The following AGPAT4 variants were observed in gnomAD, a reference collection of about 807,000 sequenced individuals.
AGPAT4 encodes the protein 1-acyl-sn-glycerol-3-phosphate acyltransferase delta.
In AGPAT4, 15 loss-of-function variants were observed where a neutral mutation model predicts 48.0. That is an observed-to-expected ratio of 0.31 (90% confidence interval 0.21 to 0.48). The LOEUF (loss-of-function observed/expected upper bound fraction) is 0.48, where lower values mean the gene tolerates loss of function less well. Among genes scored for constraint, AGPAT4 ranks in the 20% least tolerant of loss-of-function variants. The pLI is 0.99. For synonymous variants in AGPAT4, 178 were observed against 198.7 expected (o/e 0.90, Z 0.88); for missense variants, 314 against 482.5 (o/e 0.65, Z 3.27).
chr6:161,239,722 A>C (rs1341766627), intron 1 of AGPAT4, among the ~76,000 whole-genome samples: 1 of 152,196 alleles, frequency 6.6e-6, no homozygotes, highest in Non-Finnish European at 1.5e-5. Context: ...ATTTTATACT[A>C]CTTTTTACAT....
In AGPAT4 at chr6:161,246,668, C is replaced by T. The variant is rs1418262890; in HGVS notation, c.-89-14366G>A. Among the ~76,000 whole-genome samples the T allele has an allele frequency of 6.6e-6, 1 of 152,186 alleles. No homozygotes were observed. The highest frequency in any genetic ancestry group is 1.5e-5 in the Non-Finnish European group (1 of 68,040). ...AGGTGATCCACCGCACCCAGCCTAG[C>T]ACAGGGGATTCTTACAGAGCCCCTT... On this transcript the variant is annotated intron_variant, in intron 1 of 8. Coordinates refer to ENST00000320285, the MANE Select transcript of AGPAT4 (RefSeq NM_020133.3). This position sits in a 1 kb window ranked among gnomAD's most constrained non-coding sequence, Gnocchi z 5.5.
At position 161,262,006 on chromosome 6, in the gene AGPAT4, G is replaced by A. The variant is rs1157676408; in HGVS notation, c.-90+11932C>T. 6.6e-6 allele frequency among the ~76,000 whole-genome samples: 1 copy of A among 152,164 alleles called. No individual in the cohort carries two copies. The highest frequency in any genetic ancestry group is 1.5e-5 in the Non-Finnish European group (1 of 68,028). ...AAGAAGAGTTCCTAGTCGAGGGCTGGTGGTGAGGATTATCCGTAGACCTTT... is the reference window on the plus strand; with the variant it reads ...AAGAAGAGTTCCTAGTCGAGGGCTGATGGTGAGGATTATCCGTAGACCTTT... On this transcript the variant is annotated intron_variant, in intron 1 of 8. Transcript: ENST00000320285. The surrounding 1 kb of genome is among the most constrained non-coding windows in gnomAD (Gnocchi z 4.9).
In AGPAT4 at chr6:161,164,258, T is replaced by C. The variant is rs940607641; in HGVS notation, c.348+1990A>G. Among the ~76,000 whole-genome samples the C allele has an allele frequency of 6.6e-6, 1 of 152,170 alleles. No homozygotes were observed. The highest frequency in any genetic ancestry group is 1.5e-5 in the Non-Finnish European group (1 of 68,026). ...GGACCTGGGTCCCTCCCTGCATGTG[T>C]TGTGGGGCTCACCTTCTCCCTCATC... On this transcript the variant is annotated intron_variant, in intron 3 of 8. Transcript: ENST00000320285. The surrounding 1 kb of genome is among the most constrained non-coding windows in gnomAD (Gnocchi z 7.4).
chr6:161,273,703 C>T (rs1312299052), intron 1 of AGPAT4, among the ~76,000 whole-genome samples: 1 of 151,954 alleles, frequency 6.6e-6, no homozygotes, highest in Non-Finnish European at 1.5e-5. Flanking sequence ...TCACCCGGCC[C>T]AGCACAAAGC....
At position 161,218,775 on chromosome 6, in the gene AGPAT4, GA is replaced by G. The variant is rs1032292732; in HGVS notation, c.178+13260del. ...CCATATACTCTGAGGTGGCAGAGGT[GA>G]AAAAACACTGTTATCTACCAAACAG... On this transcript the variant is annotated intron_variant, in intron 2 of 8. Transcript: ENST00000320285. The surrounding 1 kb of genome is among the most constrained non-coding windows in gnomAD (Gnocchi z 4.7). Among the ~76,000 whole-genome samples, 11 of 152,110 alleles carry G rather than the reference GA, an allele frequency of 7.2e-5. No individual in the cohort carries two copies. The highest frequency in any genetic ancestry group is 2.4e-4 in the African/African-American group (10 of 41,402).
chr6:161,222,594 T>C lies in AGPAT4; in HGVS notation c.178+9442A>G, dbSNP rs536277883. ...TGAACAGATTTTTTTTTTTTTCAAA[T>C]TCCAATTAACAGTTTCTCAAGGCAC... On this transcript the variant is annotated intron_variant, in intron 2 of 8. Coordinates refer to ENST00000320285, the MANE Select transcript of AGPAT4 (RefSeq NM_020133.3). The surrounding 1 kb of genome is among the most constrained non-coding windows in gnomAD (Gnocchi z 5.9). 6.6e-6 allele frequency among the ~76,000 whole-genome samples: 1 copy of C among 152,074 alleles called. No individual in the cohort carries two copies. Among genetic ancestry groups the C allele is most frequent in the African/African-American group, 2.4e-5 (1 of 41,404 alleles).
Position 161,221,484 on chromosome 6 carries a change from G to C in AGPAT4, c.178+10552C>G, listed in dbSNP as rs549273731. On this transcript the variant is annotated intron_variant, in intron 2 of 8. Coordinates refer to ENST00000320285, the MANE Select transcript of AGPAT4 (RefSeq NM_020133.3). This position sits in a 1 kb window ranked among gnomAD's most constrained non-coding sequence, Gnocchi z 4.5. ...GTGGGAGAGATAGAAAGGAGAAAAA[G>C]GGAGAGGAGAGAGAAATAGATACCA... 1.3e-5 allele frequency among the ~76,000 whole-genome samples: 2 copies of C among 152,294 alleles called. No individual in the cohort carries two copies. The highest frequency in any genetic ancestry group is 2.1e-4 in the South Asian group (1 of 4,822).
chr6:161,186,836 T>C (rs949607084), intron 2 of AGPAT4, among the ~76,000 whole-genome samples: 1 of 152,222 alleles, frequency 6.6e-6, no homozygotes, highest in African/African-American at 2.4e-5. Flanking sequence ...GCTCAAGCTG[T>C]TCTCTTGGCC....
chr6:161,150,483 G>A (rs1186705854), intron 5 of AGPAT4, among the ~76,000 whole-genome samples: 1 of 152,242 alleles, frequency 6.6e-6, no homozygotes, highest in Admixed American at 6.5e-5. Context: ...AAAGGAGTGG[G>A]AGAATGGCAG....
In AGPAT4 at chr6:161,140,124, A is replaced by G. The variant is rs1779203991; in HGVS notation, c.844-504T>C. 6.6e-6 allele frequency among the ~76,000 whole-genome samples: 1 copy of G among 152,296 alleles called. No individual in the cohort carries two copies. The highest frequency in any genetic ancestry group is 2.1e-4 in the South Asian group (1 of 4,822). On this transcript the variant is annotated intron_variant, in intron 7 of 8. Transcript: ENST00000320285. This position sits in a 1 kb window ranked among gnomAD's most constrained non-coding sequence, Gnocchi z 6.5. ...CATGCCCCGCCTTCCCGGCCTCCAC[A>G]GCCAGTTCACCTCGGGCAGCCCACC...
rs1562560216 is a variant in AGPAT4 at position 161,133,637 on chromosome 6, C to G, written c.*2903G>C. 6.6e-6 allele frequency: 1 copy of G among 152,228 alleles called. No homozygotes were observed. The highest frequency in any genetic ancestry group is 1.5e-5 in the Non-Finnish European group (1 of 68,062). 9.4% of individuals were successfully genotyped at this position (152,228 alleles called of 1,614,324 possible). ...TTTCCTGGAAGAAGTCCATTAAATT[C>G]CCTGCTTCTATAAGCTGCAGGAGTC... On this transcript the variant is annotated 3_prime_UTR_variant, in exon 9 of 9. Coordinates refer to ENST00000320285, the MANE Select transcript of AGPAT4 (RefSeq NM_020133.3).
chr6:161,191,167 C>G (rs1176946963), intron 2 of AGPAT4, among the ~76,000 whole-genome samples: 1 of 152,152 alleles, frequency 6.6e-6, no homozygotes, highest in Non-Finnish European at 1.5e-5. Flanking sequence ...ATCTATGTAA[C>G]AACGCAGTTA....
rs573624034 is a variant in AGPAT4, at chr6:161,202,894, G to C, written c.178+29142C>G. Among the ~76,000 whole-genome samples, 1 of 152,192 alleles carries C rather than the reference G, an allele frequency of 6.6e-6. No individual in the cohort carries two copies. The highest frequency in any genetic ancestry group is 1.5e-5 in the Non-Finnish European group (1 of 68,040). ...GGGGAAGCCTGGGCTATATGGATAG[G>C]TTACTCCAGTTGACAGCCCCAGTTG... On this transcript the variant is annotated intron_variant, in intron 2 of 8. Coordinates refer to ENST00000320285, the MANE Select transcript of AGPAT4 (RefSeq NM_020133.3). This position sits in a 1 kb window ranked among gnomAD's most constrained non-coding sequence, Gnocchi z 5.4.
In AGPAT4 at chr6:161,221,047, G is replaced by C. The variant is rs373716794; in HGVS notation, c.178+10989C>G. ...GATCTACCCGCCTCAGCCTCCCAAAGTGCTGGATTACAGGCATGAGCCACC... is the reference window on the plus strand; with the variant it reads ...GATCTACCCGCCTCAGCCTCCCAAACTGCTGGATTACAGGCATGAGCCACC... On this transcript the variant is annotated intron_variant, in intron 2 of 8. Coordinates refer to ENST00000320285, the MANE Select transcript of AGPAT4 (RefSeq NM_020133.3). The surrounding 1 kb of genome is among the most constrained non-coding windows in gnomAD (Gnocchi z 4.5). Among the ~76,000 whole-genome samples, 4 of 152,272 alleles carry C rather than the reference G, an allele frequency of 2.6e-5. No homozygotes were observed. The South Asian group carries it at 8.3e-4, about 32-fold the overall frequency.
rs1462242272 is a variant in AGPAT4, at chr6:161,165,884, A to G, written c.348+364T>C. On this transcript the variant is annotated intron_variant, in intron 3 of 8. Transcript: ENST00000320285. This position sits in a 1 kb window ranked among gnomAD's most constrained non-coding sequence, Gnocchi z 5.5. ...CATGGAATTAAGAAATATGGATGGG[A>G]GTGAAATCCAAATCTAATTACAGCT... The G allele has an allele frequency of 1.7e-6, 1 of 595,260 alleles. No homozygotes were observed. The highest frequency in any genetic ancestry group is 3.0e-6 in the Non-Finnish European group (1 of 334,582). The allele number at this position is 595,260 out of a possible 1,614,324, so 36.9% of individuals were successfully genotyped here. A position where few individuals can be genotyped will look rare whatever the true frequency, so the allele number is the denominator to read the frequency against.
chr6:161,228,194 T>C (rs1278671515), intron 2 of AGPAT4, among the ~76,000 whole-genome samples: 1 of 152,178 alleles, frequency 6.6e-6, no homozygotes, highest in African/African-American at 2.4e-5. Flanking sequence ...AAGCAACCAT[T>C]GTAATTGGCC....
Position 161,218,715 on chromosome 6 carries a change from T to C in AGPAT4, c.178+13321A>G. Among the ~76,000 whole-genome samples the C allele has an allele frequency of 6.6e-6, 1 of 152,164 alleles. No homozygotes were observed. Among genetic ancestry groups the C allele is most frequent in the East Asian group, 1.9e-4 (1 of 5,186 alleles). On this transcript the variant is annotated intron_variant, in intron 2 of 8. Transcript: ENST00000320285. This position sits in a 1 kb window ranked among gnomAD's most constrained non-coding sequence, Gnocchi z 4.7. ...AGGGAGCCATAAGGATGCTAGAAAA[T>C]AACTGCTGTCCTCAACACTTTCCAT...
At position 161,243,098 on chromosome 6, in the gene AGPAT4, CTT is replaced by C. The variant is rs1782541612; in HGVS notation, c.-89-10798_-89-10797del. Among the ~76,000 whole-genome samples the C allele has an allele frequency of 6.6e-6, 1 of 151,920 alleles. No homozygotes were observed. Among genetic ancestry groups the C allele is most frequent in the South Asian group, 2.1e-4 (1 of 4,806 alleles). On this transcript the variant is annotated intron_variant, in intron 1 of 8. Coordinates refer to ENST00000320285, the MANE Select transcript of AGPAT4 (RefSeq NM_020133.3). This position sits in a 1 kb window ranked among gnomAD's most constrained non-coding sequence, Gnocchi z 4.8. ...TTTTTTAATTTAAAAAAAAATGAAACTTTTTCAAACATGGAAAGAAGGCAGAA... is the reference window on the plus strand; with the variant it reads ...TTTTTTAATTTAAAAAAAAATGAAACTTTCAAACATGGAAAGAAGGCAGAA...
Position 161,146,402 on chromosome 6 carries a change from T to G in AGPAT4, c.843+122A>C. 1.2e-6 allele frequency: 1 copy of G among 839,552 alleles called. No individual in the cohort carries two copies. Among genetic ancestry groups the G allele is most frequent in the Non-Finnish European group, 1.9e-6 (1 of 525,876 alleles). 52.0% of individuals were successfully genotyped at this position (839,552 alleles called of 1,614,324 possible). On this transcript the variant is annotated intron_variant, in intron 7 of 8. Transcript: ENST00000320285. This position sits in a 1 kb window ranked among gnomAD's most constrained non-coding sequence, Gnocchi z 7.1. ...TGCCAAGAGAGGGTCAGCTCCAGAC[T>G]CACTAATAACTGGCTCTGTGAGATC...
Sources: allele counts gnomAD v4.1 joint callset (sites outside exome capture counted in the v4.1 genomes callset), GRCh38; gene constraint gnomAD v4.1.1; non-coding constraint Gnocchi (gnomAD v3.1); transcripts MANE v1.5; gene names NCBI Gene and HGNC (gene_info 2026-07-23, HGNC 2026-07-21).